FLT3: variants seen among roughly 807,000 people sequenced by gnomAD.
FLT3 encodes the protein receptor-type tyrosine-protein kinase FLT3.
FLT3 carries 46 observed loss-of-function variants against 126.6 expected under a neutral mutation model. That is an observed-to-expected ratio of 0.36 (90% CI 0.29 to 0.46). The LOEUF (loss-of-function observed/expected upper bound fraction) is 0.46, where lower values mean the gene tolerates loss of function less well. Ranked by LOEUF, FLT3 falls within the 20% of genes least tolerant of loss-of-function variation. FLT3 has a pLI of 1.00. For synonymous variants in FLT3, 404 were observed against 434.4 expected (o/e 0.93, Z 0.87); for missense variants, 1,069 against 1,190.3 (o/e 0.90, Z 1.50).
chr13:28,071,218 C>G (rs1236580105), intron 1 of FLT3, among the ~76,000 whole-genome samples: 1 of 151,454 alleles, frequency 6.6e-6, no homozygotes, highest in African/African-American at 2.4e-5. Context: ...CCACGTTAGC[C>G]AGGCTGGTCT....
intron 2 of FLT3, among the ~76,000 whole-genome samples, chr13:28,063,543 TG>T (rs2137772006): frequency 6.6e-6 from 1 of 152,324 alleles, no homozygotes; most frequent in African/African-American, 2.4e-5. Context: ...GCTTCTGCTG[TG>T]GAGTCCCCCA....
intron 2 of FLT3, 89 bp from the exon 3 acceptor site, chr13:28,062,158 C>G: frequency 1.1e-6 from 1 of 944,742 alleles, no homozygotes; most frequent in Non-Finnish European, 1.7e-6. Flanking sequence ...CAAACATATG[C>G]ATGCTGACAC....
At chr13:28,060,474 A>AAG (rs1447233570) in intron 3 of FLT3, among the ~76,000 whole-genome samples, 6 of 151,236 alleles carry the variant, frequency 4.0e-5, no homozygotes, top group East Asian at 3.9e-4. Context: ...TTTAAAAAAA[A>AAG]AAAAAAGAAA....
intron 1 of FLT3, among the ~76,000 whole-genome samples, chr13:28,091,267 G>C (rs969547920): frequency 5.8e-5 from 7 of 119,776 alleles, no homozygotes; most frequent in East Asian, 2.4e-4. Flanking sequence ...TGTCGCCCAG[G>C]CTGGAGTGCA....
At chr13:28,049,581 C>T in intron 7 of FLT3, 44 bp from the exon 8 acceptor site, 2 of 1,612,790 alleles carry the variant, frequency 1.2e-6, no homozygotes, top group Non-Finnish European at 1.7e-6. Context: ...GTTTTCAATC[C>T]AGACTATTAG....
At chr13:28,015,312 G>T in intron 21 of FLT3, 56 bp from the exon 22 acceptor site, 1 of 1,158,514 alleles carries the variant, frequency 8.6e-7, no homozygotes, top group South Asian at 1.3e-5. Context: ...TTTGTTTATT[G>T]ATTCATTCAA....
intron 21 of FLT3, 118 bp downstream of exon 21, chr13:28,015,472 G>T (rs1871758366): frequency 1.8e-6 from 1 of 561,282 alleles, no homozygotes; most frequent in Non-Finnish European, 3.2e-6. Context: ...TAAACATAAA[G>T]TCATGGGCTG....
At chr13:28,032,966 G>A (rs184702823) in intron 15 of FLT3, among the ~76,000 whole-genome samples, 158 of 152,238 alleles carry the variant, frequency 1.0e-3, no homozygotes, top group African/African-American at 3.4e-3. Context: ...CCAGCAATGG[G>A]GCTGGACGCC....
Position 28,064,178 on chromosome 13 carries a change from C to A in FLT3, c.166-2109G>T, listed in dbSNP as rs573821346. Among the ~76,000 whole-genome samples the A allele has an allele frequency of 9.2e-5, 14 of 152,178 alleles. No individual in the cohort carries two copies. In the East Asian group the frequency reaches 2.1e-3, roughly 23 times the overall value. On this transcript the variant is annotated intron_variant, in intron 2 of 23. Transcript: ENST00000241453. The stretch of plus-strand genomic sequence containing the variant: ...ATATTACAAGTAAAGGGCGAATACC[C>A]CTAATATAAAAAGAACCTTTGAAAA...
chr13:28,072,936 C>T (rs1028085039), intron 1 of FLT3, among the ~76,000 whole-genome samples: 1 of 151,766 alleles, frequency 6.6e-6, no homozygotes, highest in Non-Finnish European at 1.5e-5. Context: ...ACCCGGGAGG[C>T]GGAGCTTGCA....
intron 15 of FLT3, among the ~76,000 whole-genome samples, chr13:28,029,140 C>T (rs7993639): frequency 0.17 from 25,238 of 152,036 alleles, 2,296 homozygotes; most frequent in Admixed American, 0.23. Flanking sequence ...CCTGTAATCC[C>T]AACACTTTGG....
chr13:28,058,219 A>AAC (rs1555258444), intron 3 of FLT3, among the ~76,000 whole-genome samples: 1 of 34,510 alleles, frequency 2.9e-5, no homozygotes, highest in East Asian at 3.0e-3. Flanking sequence ...AAAAAAAAAA[A>AAC]CAAAAAAAAA....
At chr13:28,068,597 G>A (rs1421285620) in intron 2 of FLT3, among the ~76,000 whole-genome samples, 1 of 152,016 alleles carries the variant, frequency 6.6e-6, no homozygotes, top group East Asian at 1.9e-4. Flanking sequence ...CAACACTTTG[G>A]GAGGCCAAGG....
chr13:28,034,064 G>C lies in FLT3; in HGVS notation c.1837+18C>G, dbSNP rs2137674274. ...GAAAAGAAATGCTGCAGAAACATTT[G>C]GCACATTCCATTCTTACCAAACTCT... is the stretch of plus-strand genomic sequence containing the variant. On this transcript the variant is annotated intron_variant, in intron 14 of 23. Coordinates refer to ENST00000241453, the MANE Select transcript of FLT3 (RefSeq NM_004119.3). 6.2e-7 allele frequency: 1 copy of C among 1,613,598 alleles called. No homozygotes were observed. The highest frequency in any genetic ancestry group is 2.2e-5 in the East Asian group (1 of 44,878).
chr13:28,027,531 T>C (rs1460113948), intron 16 of FLT3, among the ~76,000 whole-genome samples: 2 of 152,254 alleles, frequency 1.3e-5, no homozygotes, highest in African/African-American at 4.8e-5. Context: ...CTGAAAGTAA[T>C]GTTCTAGCTG....
intron 1 of FLT3, among the ~76,000 whole-genome samples, chr13:28,091,216 T>C (rs901688495): frequency 2.9e-5 from 3 of 103,050 alleles, no homozygotes; most frequent in African/African-American, 1.4e-4. Flanking sequence ...TCTTTTTTTT[T>C]TTTTTTTTTT....
At chr13:28,046,401 T>C (rs1005792253) in intron 9 of FLT3, among the ~76,000 whole-genome samples, 2 of 152,122 alleles carry the variant, frequency 1.3e-5, no homozygotes, top group African/African-American at 4.8e-5. Flanking sequence ...CTACTCTTCA[T>C]CTAGAACAGG....
chr13:28,093,954 G>A (rs530680372), intron 1 of FLT3, among the ~76,000 whole-genome samples: 1 of 152,146 alleles, frequency 6.6e-6, no homozygotes, highest in East Asian at 1.9e-4. Context: ...AGGGAGGGAA[G>A]GAGAGAGGCA....
chr13:28,069,678 A>C lies in FLT3; in HGVS notation c.165+813T>G, dbSNP rs147838498. Among the ~76,000 whole-genome samples, 101 of 152,300 alleles carry C rather than the reference A, an allele frequency of 6.6e-4. No individual in the cohort carries two copies. In the East Asian group the frequency reaches 0.018, roughly 27 times the overall value. On this transcript the variant is annotated intron_variant, in intron 2 of 23. Transcript: ENST00000241453. ...CCGAAAAAAATGGGGTTGCATCTGTACTGAACATGTACCGACTTTTTTCCC... is the reference window on the plus strand; with the variant it reads ...CCGAAAAAAATGGGGTTGCATCTGTCCTGAACATGTACCGACTTTTTTCCC...
Sources: allele counts gnomAD v4.1 joint callset (sites outside exome capture counted in the v4.1 genomes callset), GRCh38; gene constraint gnomAD v4.1.1; transcripts MANE v1.5; gene names NCBI Gene and HGNC (gene_info 2026-07-23, HGNC 2026-07-21).